Variants in DDX10 observed in about 807,000 individuals in gnomAD.
The protein encoded by DDX10 is probable ATP-dependent RNA helicase DDX10.
DDX10 carries 74 observed loss-of-function variants against 104.3 expected under a neutral mutation model. The observed-to-expected ratio is 0.71, with a 90% confidence interval of 0.59 to 0.86. DDX10 has a LOEUF of 0.86. DDX10 is among the 40% of genes least tolerant of loss of function. The pLI is 0.00. For synonymous variants in DDX10, 351 were observed against 353.4 expected, an observed-to-expected ratio of 0.99 and a Z score of 0.08; for missense variants, 952 against 1,040.0, an observed-to-expected ratio of 0.92 and a Z score of 1.16.
chr11:108,693,003 C>T (rs533326124), intron 8 of DDX10, among the ~76,000 whole-genome samples: 7 of 152,240 alleles, frequency 4.6e-5, no homozygotes, highest in African/African-American at 9.6e-5. Context: ...TCCATCAACC[C>T]GTCATCTACA....
At chr11:108,707,880 T>C (rs2094278626) in intron 10 of DDX10, among the ~76,000 whole-genome samples, 1 of 152,238 alleles carries the variant, frequency 6.6e-6, no homozygotes, top group South Asian at 2.1e-4. Flanking sequence ...AACGTTCAGC[T>C]TTCAAAGGTC....
At chr11:108,737,597 A>G (rs2094319909) in intron 13 of DDX10, among the ~76,000 whole-genome samples, 2 of 152,232 alleles carry the variant, frequency 1.3e-5, no homozygotes, top group African/African-American at 4.8e-5. Context: ...CCTGGACTAT[A>G]TAAGAAGAAA....
intron 16 of DDX10, among the ~76,000 whole-genome samples, chr11:108,876,471 A>G (rs1206846216): frequency 6.6e-6 from 1 of 152,212 alleles, no homozygotes; most frequent in East Asian, 1.9e-4. Flanking sequence ...TATGAGGAAC[A>G]GTTACAGAGG....
intron 13 of DDX10, among the ~76,000 whole-genome samples, chr11:108,778,532 C>G (rs1273568889): frequency 6.6e-6 from 1 of 150,460 alleles, no homozygotes; most frequent in Middle Eastern, 3.4e-3. Flanking sequence ...ACACCTTATA[C>G]AAAAATTAAT....
rs1336102807 is a variant in DDX10, at chr11:108,688,919, T to C, written c.849-17T>C. 6.2e-7 allele frequency: 1 copy of C among 1,606,382 alleles called. No individual in the cohort carries two copies. Among genetic ancestry groups the C allele is most frequent in the Non-Finnish European group, 8.5e-7 (1 of 1,176,342 alleles). ...CATGACATATTCTAATGTTTTTCTT[T>C]TCCGTAATTCCACAAGCACCCCTGC... On this transcript the variant is annotated splice_polypyrimidine_tract_variant and intron_variant, in intron 6 of 17. Transcript: ENST00000322536.
intron 13 of DDX10, among the ~76,000 whole-genome samples, chr11:108,768,641 G>A (rs1184449207): frequency 6.6e-6 from 1 of 152,172 alleles, no homozygotes; most frequent in Non-Finnish European, 1.5e-5. Flanking sequence ...AGGTAACTAA[G>A]TCTAAGATTA....
At position 108,675,724 on chromosome 11, in the gene DDX10, C is replaced by T; in HGVS notation, c.376C>T (p.Pro126Ser). The T allele has an allele frequency of 6.2e-7, 1 of 1,613,978 alleles. No individual in the cohort carries two copies. Among genetic ancestry groups the T allele is most frequent in the Non-Finnish European group, 8.5e-7 (1 of 1,179,966 alleles). ...GSGKTLAFLV[P>S]VLEALYRLQW... is the part of the protein sequence containing the mutation. ...TGGCAAGACTCTGGCTTTTCTTGTT[C>T]CAGTAAGTACATTGTCATTGGGTCA... Residue 126 changes from proline (P) to serine (S), a missense_variant and splice_region_variant, in exon 3 of 18, where the codon CCA (proline) becomes TCA (serine). This residue lies in a region of DDX10 where 412 missense variants were observed against 479.2 expected (regional missense o/e 0.86). Transcript: ENST00000322536.
chr11:108,758,558 G>A (rs988773483), intron 13 of DDX10, among the ~76,000 whole-genome samples: 8 of 151,986 alleles, frequency 5.3e-5, no homozygotes, highest in African/African-American at 1.7e-4. Flanking sequence ...TAAAAGCAAC[G>A]GGTCAATAAT....
intron 8 of DDX10, among the ~76,000 whole-genome samples, 198 bp from the exon 9 acceptor site, chr11:108,693,318 A>C (rs1016671424): frequency 6.6e-6 from 1 of 152,172 alleles, no homozygotes; most frequent in Non-Finnish European, 1.5e-5. Flanking sequence ...ACAGTCATTA[A>C]TTTTAGTTCA....
chr11:108,708,323 G>T (rs2094279459), intron 10 of DDX10, among the ~76,000 whole-genome samples: 1 of 137,356 alleles, frequency 7.3e-6, no homozygotes, highest in Non-Finnish European at 1.6e-5. Context: ...TTAGCCTGGT[G>T]ATGTGATGGA....
chr11:108,884,396 C>T (rs972926179), intron 16 of DDX10, among the ~76,000 whole-genome samples: 7 of 152,124 alleles, frequency 4.6e-5, no homozygotes, highest in Middle Eastern at 3.2e-3. Flanking sequence ...ATGGACCATC[C>T]GCACTCTGCC....
intron 13 of DDX10, among the ~76,000 whole-genome samples, chr11:108,778,664 C>T (rs1313584404): frequency 6.6e-6 from 1 of 152,192 alleles, no homozygotes; most frequent in African/African-American, 2.4e-5. Flanking sequence ...ACACCAAAAG[C>T]AATGGCAACA....
chr11:108,927,919 G>A (rs558624598), intron 17 of DDX10, among the ~76,000 whole-genome samples: 25 of 152,316 alleles, frequency 1.6e-4, no homozygotes, highest in African/African-American at 4.3e-4. Flanking sequence ...GATTATAGGC[G>A]TGAGCCACCG....
At chr11:108,685,557 A>T (rs1366714741) in intron 6 of DDX10, among the ~76,000 whole-genome samples, 1 of 152,162 alleles carries the variant, frequency 6.6e-6, no homozygotes, top group African/African-American at 2.4e-5. Context: ...GGCTCCTCCC[A>T]AGGTTATCTC....
chr11:108,773,002 A>G (rs1474540284), intron 13 of DDX10, among the ~76,000 whole-genome samples: 2 of 152,234 alleles, frequency 1.3e-5, no homozygotes, highest in African/African-American at 4.8e-5. Flanking sequence ...AGTTTTGACC[A>G]TGCAGACTTC....
At chr11:108,788,505 G>A (rs1276904092) in intron 13 of DDX10, among the ~76,000 whole-genome samples, 2 of 152,102 alleles carry the variant, frequency 1.3e-5, no homozygotes, top group African/African-American at 4.8e-5. Flanking sequence ...TGGGATTACA[G>A]GTATGCGCCA....
chr11:108,819,850 C>T (rs1446980381), intron 13 of DDX10, among the ~76,000 whole-genome samples: 4 of 152,128 alleles, frequency 2.6e-5, no homozygotes, highest in African/African-American at 4.8e-5. Context: ...CCACCCGCCT[C>T]GGCCTCCCAA....
At chr11:108,781,951 T>G (rs2094378685) in intron 13 of DDX10, among the ~76,000 whole-genome samples, 1 of 152,224 alleles carries the variant, frequency 6.6e-6, no homozygotes, top group African/African-American at 2.4e-5. Context: ...AGCACAGCCG[T>G]CAGAAGAGAT....
intron 13 of DDX10, among the ~76,000 whole-genome samples, chr11:108,774,479 C>G (rs1322970543): frequency 6.6e-6 from 1 of 152,124 alleles, no homozygotes; most frequent in Non-Finnish European, 1.5e-5. Context: ...GTTGGGTATA[C>G]TCAATACATT....
Sources: gnomAD v4.1 joint callset for allele counts (sites outside exome capture counted in the v4.1 genomes callset) on GRCh38, gnomAD v4.1.1 for gene constraint, gnomAD v4.1.1 regional missense constraint, MANE v1.5 for transcripts, NCBI Gene and HGNC (gene_info 2026-07-23, HGNC 2026-07-21) for gene names.